SLC24A3: variants seen among roughly 807,000 people sequenced by gnomAD.
The protein encoded by SLC24A3 is sodium/potassium/calcium exchanger 3.
In SLC24A3, 28 loss-of-function variants were observed where a neutral mutation model predicts 75.8. That is an observed-to-expected ratio of 0.37 (90% CI 0.27 to 0.51). The LOEUF (loss-of-function observed/expected upper bound fraction) is 0.51, where lower values mean the gene tolerates loss of function less well. Among genes scored for constraint, SLC24A3 ranks in the 20% least tolerant of loss-of-function variants. The probability of loss-of-function intolerance (pLI) is 0.94; values close to 1 mark genes in which losing one functional copy is unlikely to be tolerated. For missense variants in SLC24A3, 663 were observed against 847.8 expected (o/e 0.78, Z 2.71); for synonymous variants, 372 against 334.1 (o/e 1.11, Z -1.24).
intron 6 of SLC24A3, among the ~76,000 whole-genome samples, chr20:19,641,625 T>C (rs2032076216): frequency 1.3e-5 from 2 of 152,146 alleles, no homozygotes; most frequent in South Asian, 4.1e-4. Flanking sequence ...TCACATCTAT[T>C]AGCCTCATGG....
At chr20:19,538,898 A>G (rs1450534263) in intron 3 of SLC24A3, among the ~76,000 whole-genome samples, 1 of 152,258 alleles carries the variant, frequency 6.6e-6, no homozygotes, top group African/African-American at 2.4e-5. Context: ...TGCTGTGTTC[A>G]AACAACAGAA....
chr20:19,655,416 T>A (rs1006785347), intron 7 of SLC24A3, among the ~76,000 whole-genome samples: 1 of 152,158 alleles, frequency 6.6e-6, no homozygotes, highest in Admixed American at 6.5e-5. Context: ...GGTGAAAAAT[T>A]GGGAAGAACA....
intron 1 of SLC24A3, among the ~76,000 whole-genome samples, chr20:19,229,223 T>A (rs1211527063): frequency 6.6e-6 from 1 of 152,164 alleles, no homozygotes; most frequent in Non-Finnish European, 1.5e-5. Flanking sequence ...AGTACTAACG[T>A]ATATGTTTAT....
intron 2 of SLC24A3, among the ~76,000 whole-genome samples, chr20:19,404,109 C>G (rs1986600556): frequency 6.6e-6 from 1 of 152,178 alleles, no homozygotes; most frequent in African/African-American, 2.4e-5. Flanking sequence ...TACTGCAAAG[C>G]AATAATTCTG....
chr20:19,550,681 C>T (rs79210588), intron 3 of SLC24A3, among the ~76,000 whole-genome samples: 1 of 152,132 alleles, frequency 6.6e-6, no homozygotes, highest in Non-Finnish European at 1.5e-5. Context: ...ATATCTGTGG[C>T]CTACTGGACC....
intron 2 of SLC24A3, among the ~76,000 whole-genome samples, chr20:19,306,854 C>T (rs1279203025): frequency 6.7e-6 from 1 of 150,132 alleles, no homozygotes; most frequent in Non-Finnish European, 1.5e-5. Flanking sequence ...GAGTCTAAAA[C>T]AAAAGATTAA....
At chr20:19,391,380 T>G (rs567510613) in intron 2 of SLC24A3, among the ~76,000 whole-genome samples, 1 of 152,084 alleles carries the variant, frequency 6.6e-6, no homozygotes, top group South Asian at 2.1e-4. Flanking sequence ...TACTGAGGAA[T>G]GTAGAGGAGT....
intron 1 of SLC24A3, among the ~76,000 whole-genome samples, chr20:19,278,639 C>T (rs1774524154): frequency 6.6e-6 from 1 of 152,210 alleles, no homozygotes; most frequent in African/African-American, 2.4e-5. Flanking sequence ...TTGCTTTAAC[C>T]TCGAATTATC....
At chr20:19,252,255 A>T (rs1982680111) in intron 1 of SLC24A3, among the ~76,000 whole-genome samples, 1 of 152,190 alleles carries the variant, frequency 6.6e-6, no homozygotes, top group Non-Finnish European at 1.5e-5. Flanking sequence ...AAGATGAAAG[A>T]GGAGTTGCAG....
At chr20:19,526,092 G>A (rs1251277277) in intron 3 of SLC24A3, among the ~76,000 whole-genome samples, 1 of 152,146 alleles carries the variant, frequency 6.6e-6, no homozygotes, top group Non-Finnish European at 1.5e-5. Context: ...CCCACTGCCA[G>A]TCTCCCCGAT....
At chr20:19,383,488 G>A (rs1986219834) in intron 2 of SLC24A3, among the ~76,000 whole-genome samples, 1 of 151,970 alleles carries the variant, frequency 6.6e-6, no homozygotes, top group South Asian at 2.1e-4. Context: ...GTGTACTCCT[G>A]CCTATGTTCT....
intron 3 of SLC24A3, among the ~76,000 whole-genome samples, chr20:19,572,880 A>G (rs574507426): frequency 6.6e-6 from 1 of 152,332 alleles, no homozygotes; most frequent in African/African-American, 2.4e-5. Context: ...GTGATCAGGG[A>G]AAATAAATTT....
chr20:19,313,028 C>CTTTTTTTTTTTTTTTTTTTT lies in SLC24A3; in HGVS notation c.271+31948_271+31967dup, dbSNP rs747623530. ...TTCAAGTATTCTTCCTTTTCTCTTG[C>CTTTTTTTTTTTTTTTTTTTT]TTTTTTTTTTTTTTTTTTTTTTTTT... On this transcript the variant is annotated intron_variant, in intron 2 of 16. Coordinates refer to ENST00000328041, the MANE Select transcript of SLC24A3 (RefSeq NM_020689.4). Among the ~76,000 whole-genome samples, 2 of 68,274 alleles carry CTTTTTTTTTTTTTTTTTTTT rather than the reference C, an allele frequency of 2.9e-5. 1 individual carries two copies. The highest frequency in any genetic ancestry group is 5.3e-5 in the Non-Finnish European group (2 of 37,558). 44.8% of individuals were successfully genotyped at this position (68,274 alleles called of 152,430 possible). A position where few individuals can be genotyped will look rare whatever the true frequency, so the allele number is the denominator to read the frequency against.
rs369102054 is a variant in SLC24A3 at position 19,334,745 on chromosome 20, T to A, written c.271+53658T>A. On this transcript the variant is annotated intron_variant, in intron 2 of 16. Transcript: ENST00000328041. ...TCTGGGAGCCTCTGTAGGACACGCCTCAGAGCTCTGTAAGCCAGGAAACAT... is the reference window on the plus strand; with the variant it reads ...TCTGGGAGCCTCTGTAGGACACGCCACAGAGCTCTGTAAGCCAGGAAACAT... 4.6e-5 allele frequency among the ~76,000 whole-genome samples: 7 copies of A among 152,294 alleles called. 1 individual carries two copies. The highest frequency in any genetic ancestry group is 6.5e-5 in the Admixed American group (1 of 15,300).
intron 16 of SLC24A3, among the ~76,000 whole-genome samples, chr20:19,719,387 G>T (rs2033077616): frequency 6.6e-6 from 1 of 152,150 alleles, no homozygotes; most frequent in African/African-American, 2.4e-5. Context: ...TGGAGTTGGG[G>T]CATGTGCTAG....
chr20:19,422,286 TTTTTAAATAAAGCTCAGATCTGGAAC>T (rs1403757551), intron 2 of SLC24A3, among the ~76,000 whole-genome samples: 2 of 152,130 alleles, frequency 1.3e-5, no homozygotes, highest in East Asian at 3.9e-4. Flanking sequence ...GGTGTTGGGT[TTTTTAAATAAAGCTCAGATCTGGAAC>T]TTGGGGAGAG....
intron 15 of SLC24A3, among the ~76,000 whole-genome samples, chr20:19,706,237 T>C (rs1274355841): frequency 6.6e-6 from 1 of 152,184 alleles, no homozygotes; most frequent in Non-Finnish European, 1.5e-5. Context: ...GTGCCTACTA[T>C]GTGCTATGCT....
intron 2 of SLC24A3, among the ~76,000 whole-genome samples, chr20:19,365,404 A>G (rs1289056041): frequency 6.6e-6 from 1 of 152,190 alleles, no homozygotes; most frequent in African/African-American, 2.4e-5. Flanking sequence ...TAGAGGAACC[A>G]CGATAGCTCC....
chr20:19,502,687 A>G (rs1307027482), intron 2 of SLC24A3, among the ~76,000 whole-genome samples: 4 of 152,042 alleles, frequency 2.6e-5, no homozygotes, highest in Non-Finnish European at 5.9e-5. Context: ...AGATGACAGA[A>G]TCCAGAATCT....
Sources: allele counts gnomAD v4.1 joint callset (sites outside exome capture counted in the v4.1 genomes callset), GRCh38; gene constraint gnomAD v4.1.1; transcripts MANE v1.5; gene names NCBI Gene and HGNC (gene_info 2026-07-23, HGNC 2026-07-21).